The following PATL1 variants were observed in gnomAD, a reference collection of about 807,000 sequenced individuals.
The protein encoded by PATL1 is PAT1 homolog 1, processing body mRNA decay factor.
A neutral mutation model predicts 100.6 loss-of-function variants in PATL1; 32 were observed. That is an observed-to-expected ratio of 0.32 (90% CI 0.24 to 0.43). PATL1 has a LOEUF of 0.43. Ranked by LOEUF, PATL1 falls within the 20% of genes least tolerant of loss-of-function variation. The probability of loss-of-function intolerance (pLI) is 1.00; values close to 1 mark genes in which losing one functional copy is unlikely to be tolerated. For missense variants in PATL1, 747 were observed against 949.9 expected (o/e 0.79, Z 2.81); for synonymous variants, 332 against 330.0 (o/e 1.01, Z -0.07).
chr11:59,650,128 A>G (rs1233811655), intron 13 of PATL1, among the ~76,000 whole-genome samples: 1 of 110,092 alleles, frequency 9.1e-6, no homozygotes, highest in Non-Finnish European at 2.1e-5. Context: ...TCTCAAAAGG[A>G]AAAAAAAAAA....
At chr11:59,643,770 T>G (rs1381546382) in intron 15 of PATL1, among the ~76,000 whole-genome samples, 1 of 152,110 alleles carries the variant, frequency 6.6e-6, no homozygotes, top group Non-Finnish European at 1.5e-5. Context: ...AAGAAATAAT[T>G]AGCCAATTTT....
At chr11:59,663,241 C>G (rs1033813621) in intron 2 of PATL1, among the ~76,000 whole-genome samples, 24 of 152,102 alleles carry the variant, frequency 1.6e-4, no homozygotes, top group African/African-American at 5.8e-4. Context: ...ATACGGGTTA[C>G]TGAATTCCTG....
intron 4 of PATL1, among the ~76,000 whole-genome samples, chr11:59,658,490 T>C (rs1278594113): frequency 6.6e-6 from 1 of 152,002 alleles, no homozygotes; most frequent in East Asian, 1.9e-4. Flanking sequence ...GCCTGGTTAA[T>C]TTTTGTATTT....
intron 9 of PATL1, among the ~76,000 whole-genome samples, chr11:59,653,251 A>G (rs1052722701): frequency 4.6e-5 from 7 of 152,182 alleles, no homozygotes; most frequent in Non-Finnish European, 8.8e-5. Flanking sequence ...TGCTAAGCAT[A>G]TTCACCTATG....
chr11:59,657,773 G>A, intron 4 of PATL1, 49 bp from the exon 5 acceptor site: 1 of 1,428,786 alleles, frequency 7.0e-7, no homozygotes, highest in South Asian at 1.5e-5. Context: ...AACTTGGTAT[G>A]TTTTAGTAAT....
intron 4 of PATL1, among the ~76,000 whole-genome samples, chr11:59,658,583 A>G (rs1367458918): frequency 6.6e-6 from 1 of 152,066 alleles, no homozygotes; most frequent in African/African-American, 2.4e-5. Context: ...TCAGCCTCTC[A>G]AAGTGCTGGG....
chr11:59,650,402 T>C (rs1861424815), intron 13 of PATL1, among the ~76,000 whole-genome samples: 2 of 152,228 alleles, frequency 1.3e-5, no homozygotes. Context: ...GCCCAGTAAA[T>C]ATCTGTGAAC....
At chr11:59,644,219 C>G (rs532718889) in intron 15 of PATL1, among the ~76,000 whole-genome samples, 1 of 152,320 alleles carries the variant, frequency 6.6e-6, no homozygotes, top group Admixed American at 6.5e-5. Flanking sequence ...CTTATTAAAT[C>G]TATGTTCCTT....
Position 59,668,391 on chromosome 11 carries a change from T to A in PATL1, c.15+490A>T, listed in dbSNP as rs183396083. ...TTTAGTAAACGGGCTGGGGCCCTAA[T>A]CCAACGGCAAGCCCAGGCCCCCTTC... On this transcript the variant is annotated intron_variant, in intron 1 of 18. Coordinates refer to ENST00000300146, the MANE Select transcript of PATL1 (RefSeq NM_152716.3). 5.1e-3 allele frequency among the ~76,000 whole-genome samples: 778 copies of A among 152,126 alleles called. 6 individuals carry two copies. The highest frequency in any genetic ancestry group is 8.1e-3 in the Non-Finnish European group (548 of 67,960).
At chr11:59,663,199 T>C (rs1861649510) in intron 2 of PATL1, among the ~76,000 whole-genome samples, 1 of 152,032 alleles carries the variant, frequency 6.6e-6, no homozygotes, top group East Asian at 1.9e-4. Flanking sequence ...GGGAAAGAGA[T>C]TATCCGTAAT....
At chr11:59,668,301 G>T (rs376383264) in intron 1 of PATL1, among the ~76,000 whole-genome samples, 99 of 152,232 alleles carry the variant, frequency 6.5e-4, no homozygotes, top group African/African-American at 2.3e-3. Flanking sequence ...CCAAACCCGC[G>T]TCTCCCAGCA....
intron 1 of PATL1, among the ~76,000 whole-genome samples, chr11:59,667,440 TTTC>T (rs1291628318): frequency 3.9e-5 from 6 of 152,236 alleles, no homozygotes; most frequent in Non-Finnish European, 7.3e-5. Context: ...ATTTTCCATC[TTTC>T]TTATCTTCCC....
chr11:59,659,789 C>T (rs1214006644), intron 2 of PATL1, among the ~76,000 whole-genome samples: 1 of 152,144 alleles, frequency 6.6e-6, no homozygotes, highest in Non-Finnish European at 1.5e-5. Context: ...ATCCACCCAT[C>T]TCGGCCTCCC....
intron 9 of PATL1, 61 bp from the exon 10 acceptor site, chr11:59,653,079 G>A: frequency 2.2e-6 from 3 of 1,365,304 alleles, no homozygotes; most frequent in Non-Finnish European, 3.0e-6. Flanking sequence ...TTTAACAACA[G>A]AGGAATAAAC....
rs778612655 is a variant in PATL1 at position 59,651,530 on chromosome 11, G to A, written c.1524+14C>T. 1 of 1,583,050 alleles carries A rather than the reference G, an allele frequency of 6.3e-7. No individual in the cohort carries two copies. Among genetic ancestry groups the A allele is most frequent in the Admixed American group, 1.7e-5 (1 of 59,390 alleles). On this transcript the variant is annotated intron_variant, in intron 12 of 18. Transcript: ENST00000300146. ...ATCAGACGTTCTTAAACAGACAATT[G>A]TGTTGACACTTACATCATCCTCACT...
chr11:59,657,963 A>G (rs1012568967), intron 4 of PATL1, among the ~76,000 whole-genome samples: 1 of 152,022 alleles, frequency 6.6e-6, no homozygotes, highest in Non-Finnish European at 1.5e-5. Context: ...CAGGAGTTTG[A>G]GACTAGCCTG....
In PATL1 at chr11:59,658,624, A is replaced by C. The variant is rs1355242591; in HGVS notation, c.426+242T>G. 2.0e-5 allele frequency among the ~76,000 whole-genome samples: 3 copies of C among 152,192 alleles called. No homozygotes were observed. In the East Asian group the frequency reaches 5.8e-4, roughly 29 times the overall value. ...ACGCGTGAGCCACCACGCCTGGCTC[A>C]GATATGACTTTTTAAGTGATTCAAA... On this transcript the variant is annotated intron_variant, in intron 4 of 18. Transcript: ENST00000300146.
At position 59,659,275 on chromosome 11, in the gene PATL1, C is replaced by T. The variant is rs1320717763; in HGVS notation, c.322G>A (p.Val108Met). The change falls in exon 3 of 19, where the codon GTG becomes ATG. Residue 108 changes from valine (V) to methionine (M), a missense_variant. Transcript: ENST00000300146. ...ELEDPAIMRA[V>M]QTRPVLQPQP... is the part of the protein sequence containing the mutation. Reference sequence around the variant, plus strand: ...ACTTGTAAAACTGGCCTGGTCTGCACTGCCCTCATAATAGCTGGATCTTCT... The same window carrying T: ...ACTTGTAAAACTGGCCTGGTCTGCATTGCCCTCATAATAGCTGGATCTTCT... The T allele has an allele frequency of 6.4e-7, 1 of 1,551,488 alleles. No homozygotes were observed. Among genetic ancestry groups the T allele is most frequent in the Admixed American group, 2.0e-5 (1 of 50,996 alleles).
At chr11:59,649,933 A>T (rs889343830) in intron 13 of PATL1, among the ~76,000 whole-genome samples, 6 of 151,930 alleles carry the variant, frequency 3.9e-5, no homozygotes, top group Non-Finnish European at 8.8e-5. Flanking sequence ...ACCAGCCTGA[A>T]CAACATGGAG....
Sources: allele counts gnomAD v4.1 joint callset (sites outside exome capture counted in the v4.1 genomes callset), GRCh38; gene constraint gnomAD v4.1.1; transcripts MANE v1.5; gene names NCBI Gene and HGNC (gene_info 2026-07-23, HGNC 2026-07-21).